The following NUBP2 variants were observed in gnomAD, a reference collection of about 807,000 sequenced individuals.
NUBP2 encodes NUBP iron-sulfur cluster assembly factor 2, cytosolic, also known as cytosolic Fe-S cluster assembly factor NUBP2.
NUBP2 carries 23 observed loss-of-function variants against 24.9 expected under a neutral mutation model. The observed-to-expected ratio is 0.92, with a 90% CI of 0.66 to 1.31. NUBP2 has a LOEUF of 1.31. Among genes scored for constraint, NUBP2 ranks in the 50% most tolerant of loss-of-function variants. The pLI is 0.00. For missense variants in NUBP2, 403 were observed against 386.5 expected (o/e 1.04, Z -0.36); for synonymous variants, 186 against 170.9 (o/e 1.09, Z -0.69).
intron 6 of NUBP2, 62 bp from the exon 7 acceptor site, chr16:1,788,507 T>C: frequency 1.3e-6 from 2 of 1,521,070 alleles, no homozygotes; most frequent in Non-Finnish European, 1.8e-6. Flanking sequence ...TGCGTCCAGC[T>C]GAGCCAATGG....
intron 6 of NUBP2, 95 bp from the exon 7 acceptor site, chr16:1,788,472 CCT>C: frequency 7.0e-7 from 1 of 1,437,748 alleles, no homozygotes; most frequent in South Asian, 1.4e-5. Context: ...GCCTCAATCC[CCT>C]CTAAGGCCAC....
chr16:1,785,461 C>G (rs1295356433), intron 1 of NUBP2: 3 of 1,187,936 alleles, frequency 2.5e-6, no homozygotes, highest in Middle Eastern at 3.8e-4. Flanking sequence ...GCACTGATGG[C>G]AGCATGGCAG....
rs531438309 is a variant in NUBP2 at position 1,789,119 on chromosome 16, G to A, written c.*405G>A. On this transcript the variant is annotated 3_prime_UTR_variant, in exon 7 of 7. Transcript: ENST00000262302. ...GGAGTGCCCCCTAAGGGGGCGAACT[G>A]ACCTCAGGCATGTTTTGTAACTGTA... 17 of 175,016 alleles carry A rather than the reference G, an allele frequency of 9.7e-5. No homozygotes were observed. Among genetic ancestry groups the A allele is most frequent in the Non-Finnish European group, 1.8e-4 (15 of 83,628 alleles). 10.8% of individuals were successfully genotyped at this position (175,016 alleles called of 1,614,324 possible).
chr16:1,787,743 C>T lies in NUBP2; in HGVS notation c.401C>T (p.Pro134Leu), dbSNP rs1295730702. The T allele has an allele frequency of 2.5e-6, 4 of 1,612,556 alleles. No individual in the cohort carries two copies. In the Admixed American group the frequency reaches 6.7e-5, roughly 27 times the overall value. ...CTGGACTACCTGGTGGTGGACACGC[C>T]CCCGGGGACCTCCGATGAGCACATG... is the stretch of plus-strand genomic sequence containing the variant. ...GELDYLVVDT[P>L]PGTSDEHMAT... Residue 134 changes from proline to leucine, a missense_variant, in exon 4 of 7, where the codon CCC becomes CTC. Transcript: ENST00000262302.
At chr16:1,786,207 C>T in intron 1 of NUBP2, 9 of 377,404 alleles carry the variant, frequency 2.4e-5, no homozygotes, top group South Asian at 2.4e-4. Flanking sequence ...GATCATGTGA[C>T]CCACGTGTGT....
Position 1,782,972 on chromosome 16 carries a change from G to C in NUBP2, c.-49G>C. ...CTTCGCTCTAGCTGGGAGGCTGACG[G>C]CCCGCGGGCGTAAGCGGACTGCAGC... On this transcript the variant is annotated 5_prime_UTR_variant, in exon 1 of 7. Coordinates refer to ENST00000262302, the MANE Select transcript of NUBP2 (RefSeq NM_012225.4). 1 of 1,409,978 alleles carries C rather than the reference G, an allele frequency of 7.1e-7. No individual in the cohort carries two copies. The highest frequency in any genetic ancestry group is 1.4e-5 in the South Asian group (1 of 70,192). 87.3% of individuals were successfully genotyped at this position (1,409,978 alleles called of 1,614,324 possible). A position where few individuals can be genotyped will look rare whatever the true frequency, so the allele number is the denominator to read the frequency against.
At chr16:1,783,276 G>C (rs1354346787) in intron 1 of NUBP2, 1 of 1,153,302 alleles carries the variant, frequency 8.7e-7, no homozygotes, top group East Asian at 4.2e-5. Flanking sequence ...GGAGTTGGGG[G>C]AGCTTTTAAA....
intron 1 of NUBP2, chr16:1,785,847 C>T (rs560927325): frequency 1.6e-5 from 21 of 1,289,016 alleles, no homozygotes; most frequent in Middle Eastern, 2.1e-4. Context: ...AAGGACCTGT[C>T]GGGGATGGAG....
In NUBP2 at chr16:1,788,198, C is replaced by T; in HGVS notation, c.661C>T (p.Pro221Ser). 6.7e-7 allele frequency: 1 copy of T among 1,497,056 alleles called. No homozygotes were observed. The highest frequency in any genetic ancestry group is 8.9e-7 in the Non-Finnish European group (1 of 1,126,358). 92.7% of individuals were successfully genotyped at this position (1,497,056 alleles called of 1,614,324 possible). ...GEELAQLAGV[P>S]FLGSVPLDPA... ...GGAGCTGGCCCAGCTCGCCGGGGTG[C>T]CCTTCTTAGGTGAGTGTCCCAAGCT... The change falls in exon 6 of 7, where the codon CCC becomes TCC. Residue 221 changes from proline to serine, a missense_variant. Coordinates refer to ENST00000262302, the MANE Select transcript of NUBP2 (RefSeq NM_012225.4).
In NUBP2 at chr16:1,789,070, C is replaced by T. The variant is rs562681813; in HGVS notation, c.*356C>T. Reference sequence around the variant, plus strand: ...ACCCCGGGCCTCCAGCACCCTGGGTCGCTGTCATCTGTGTTTAGCTCGGGG... The same window carrying T: ...ACCCCGGGCCTCCAGCACCCTGGGTTGCTGTCATCTGTGTTTAGCTCGGGG... On this transcript the variant is annotated 3_prime_UTR_variant, in exon 7 of 7. Coordinates refer to ENST00000262302, the MANE Select transcript of NUBP2 (RefSeq NM_012225.4). The T allele has an allele frequency of 8.8e-6, 2 of 227,680 alleles. No individual in the cohort carries two copies. The highest frequency in any genetic ancestry group is 1.7e-5 in the Non-Finnish European group (2 of 116,978). 14.1% of individuals were successfully genotyped at this position (227,680 alleles called of 1,614,324 possible).
chr16:1,786,960 C>T lies in NUBP2; in HGVS notation c.334+5C>T, dbSNP rs775358027. 1.1e-5 allele frequency: 17 copies of T among 1,511,670 alleles called. No homozygotes were observed. The highest frequency in any genetic ancestry group is 2.6e-5 in the South Asian group (2 of 76,862). 93.6% of individuals were successfully genotyped at this position (1,511,670 alleles called of 1,614,324 possible). On this transcript the variant is annotated splice_donor_5th_base_variant and intron_variant, in intron 3 of 6. Transcript: ENST00000262302. The stretch of plus-strand genomic sequence containing the variant: ...GGAGAGGCCCCAAGAAAAACGGTAA[C>T]GGCCGGGCGGCGCGTCCGCCGTCCT...
At chr16:1,788,421 T>C in intron 6 of NUBP2, 148 bp from the exon 7 acceptor site, 1 of 1,286,662 alleles carries the variant, frequency 7.8e-7, no homozygotes, top group Admixed American at 2.9e-5. Context: ...CCCAGCCTGC[T>C]GGGAGGGCCG....
chr16:1,785,090 C>G, intron 1 of NUBP2: 4 of 985,744 alleles, frequency 4.1e-6, no homozygotes, highest in Non-Finnish European at 4.8e-6. Flanking sequence ...ATATATTTGT[C>G]CACCACGTGG....
chr16:1,788,052 G>T lies in NUBP2; in HGVS notation c.600+1G>T. 1.9e-6 allele frequency: 3 copies of T among 1,588,796 alleles called. No individual in the cohort carries two copies. The highest frequency in any genetic ancestry group is 2.6e-6 in the Non-Finnish European group (3 of 1,170,320). On this transcript the variant is annotated splice_donor_variant, in intron 5 of 6. Transcript: ENST00000262302. LOFTEE classifies it high-confidence loss of function. ...CGGCTTCACCTGCCCACACTGCACG[G>T]TGAGTCCCGGGGGTTGCAGAGGGGG...
At chr16:1,785,498 C>T (rs1050769961) in intron 1 of NUBP2, 78 of 1,192,452 alleles carry the variant, frequency 6.5e-5, no homozygotes, top group African/African-American at 3.4e-4. Flanking sequence ...ACAGAGTCCC[C>T]GGCAGCTACA....
At chr16:1,787,589 C>G in intron 3 of NUBP2, 88 bp from the exon 4 acceptor site, 2 of 1,531,012 alleles carry the variant, frequency 1.3e-6, no homozygotes, top group Non-Finnish European at 1.8e-6. Flanking sequence ...TGCAGCCCCT[C>G]GGCCTGACCT....
chr16:1,784,853 C>G (rs1896888297), intron 1 of NUBP2: 1 of 149,448 alleles, frequency 6.7e-6, no homozygotes, highest in South Asian at 2.1e-4. Context: ...GCATGGCCAA[C>G]ATAGAGAAAC....
intron 1 of NUBP2, chr16:1,783,377 G>C: frequency 9.3e-7 from 1 of 1,078,634 alleles, no homozygotes; most frequent in Non-Finnish European, 1.1e-6. Context: ...CTGCACCGCA[G>C]CCCGGGCAAG....
At chr16:1,784,022 G>T (rs901145376) in intron 1 of NUBP2, 1 of 985,184 alleles carries the variant, frequency 1.0e-6, no homozygotes, top group African/African-American at 1.7e-5. Context: ...CAGAGGAGAA[G>T]CCTGGAAAAG....
Sources: allele counts gnomAD v4.1 joint callset, GRCh38; gene constraint gnomAD v4.1.1; transcripts MANE v1.5; gene names NCBI Gene and HGNC (gene_info 2026-07-23, HGNC 2026-07-21).